Variants in RBM33 observed in about 807,000 individuals in gnomAD.
RBM33 encodes RNA binding motif protein 33, also known as RNA-binding protein 33.
Under a neutral mutation model 132.6 loss-of-function variants are expected in RBM33, and 28 were observed. The observed-to-expected ratio is 0.21, with a 90% confidence interval of 0.16 to 0.29. The LOEUF is 0.29. Ranked by LOEUF, RBM33 falls within the 10% of genes least tolerant of loss-of-function variation. The probability of loss-of-function intolerance (pLI) is 1.00; values close to 1 mark genes in which losing one functional copy is unlikely to be tolerated. For missense variants in RBM33, 1,291 were observed against 1,518.5 expected, an observed-to-expected ratio of 0.85 and a Z score of 2.49; for synonymous variants, 634 against 593.0, an observed-to-expected ratio of 1.07 and a Z score of -1.01.
intron 16 of RBM33, among the ~76,000 whole-genome samples, chr7:155,771,261 G>A (rs527949825): frequency 1.3e-5 from 2 of 152,320 alleles, no homozygotes; most frequent in Admixed American, 6.5e-5. Flanking sequence ...ATGTCTTTAA[G>A]CTTTCACTGG....
At chr7:155,756,121 T>C (rs928103311) in intron 14 of RBM33, among the ~76,000 whole-genome samples, 1 of 152,228 alleles carries the variant, frequency 6.6e-6, no homozygotes, top group Non-Finnish European at 1.5e-5. Context: ...AAAGCAAACA[T>C]ACTTTTTATG....
In RBM33 at chr7:155,745,796, T is replaced by C; in HGVS notation, c.2979+194T>C. On this transcript the variant is annotated intron_variant, in intron 14 of 17. Coordinates refer to ENST00000401878, the MANE Select transcript of RBM33 (RefSeq NM_053043.3). This position sits in a 1 kb window ranked among gnomAD's most constrained non-coding sequence, Gnocchi z 4.1. ...GCATACATTCTCAGAAATGTGTTGTTAGGCGATTTTGTCATTGTCTGAACG... is the reference window on the plus strand; with the variant it reads ...GCATACATTCTCAGAAATGTGTTGTCAGGCGATTTTGTCATTGTCTGAACG... The C allele has an allele frequency of 1.6e-6, 1 of 615,316 alleles. No individual in the cohort carries two copies. Among genetic ancestry groups the C allele is most frequent in the Non-Finnish European group, 2.8e-6 (1 of 356,390 alleles). The allele number at this position is 615,316 out of a possible 1,614,324, so 38.1% of individuals were successfully genotyped here. A position where few individuals can be genotyped will look rare whatever the true frequency, so the allele number is the denominator to read the frequency against.
At chr7:155,662,403 A>G (rs966642309) in intron 1 of RBM33, among the ~76,000 whole-genome samples, 10 of 152,028 alleles carry the variant, frequency 6.6e-5, no homozygotes, top group African/African-American at 1.7e-4. Context: ...CTCTCTTCCC[A>G]GTTAGCTCTC....
chr7:155,646,815 AC>A (rs1798210099), intron 1 of RBM33, among the ~76,000 whole-genome samples: 1 of 152,166 alleles, frequency 6.6e-6, no homozygotes, highest in African/African-American at 2.4e-5. Context: ...TAGCCTGTAA[AC>A]CTCATGAGGA....
At chr7:155,761,610 A>AG (rs753687305) in intron 14 of RBM33, among the ~76,000 whole-genome samples, 1 of 152,106 alleles carries the variant, frequency 6.6e-6, no homozygotes, top group Non-Finnish European at 1.5e-5. Flanking sequence ...TAAATTTCTT[A>AG]GGGTCCATTG....
intron 9 of RBM33, among the ~76,000 whole-genome samples, chr7:155,721,233 G>A (rs531885710): frequency 7.9e-5 from 12 of 152,104 alleles, no homozygotes; most frequent in South Asian, 2.1e-4. Flanking sequence ...CTAAACACCC[G>A]TGCCAGAGTC....
chr7:155,681,454 T>A (rs577626573), intron 5 of RBM33, among the ~76,000 whole-genome samples: 1 of 152,208 alleles, frequency 6.6e-6, no homozygotes, highest in East Asian at 1.9e-4. Context: ...GCTGATTTTT[T>A]ATTTCAGAAA....
chr7:155,765,808 G>A (rs180781741), intron 15 of RBM33, among the ~76,000 whole-genome samples: 5 of 152,306 alleles, frequency 3.3e-5, no homozygotes, highest in Non-Finnish European at 7.3e-5. Context: ...ATAATGCTTA[G>A]GCCCGCCTTA....
At chr7:155,676,031 T>G (rs1799175511) in intron 3 of RBM33, among the ~76,000 whole-genome samples, 1 of 152,194 alleles carries the variant, frequency 6.6e-6, no homozygotes, top group Non-Finnish European at 1.5e-5. Context: ...CTACAGGGTC[T>G]ATGAATGGAG....
chr7:155,737,470 A>G, intron 9 of RBM33, 60 bp from the exon 10 acceptor site: 1 of 1,507,538 alleles, frequency 6.6e-7, no homozygotes, highest in Non-Finnish European at 8.9e-7. Context: ...TATTTCTAAA[A>G]ATTACATACC....
At position 155,672,918 on chromosome 7, in the gene RBM33, A is replaced by G. The variant is rs1395214135; in HGVS notation, c.171+3A>G. On this transcript the variant is annotated splice_donor_region_variant and intron_variant, in intron 3 of 17. Transcript: ENST00000401878. Reference sequence around the variant, plus strand: ...AAGATTTGCTATCTGGCAAAAAGGTAAGAAGTTTATGTCCTTCTGAGATGA... The same window carrying G: ...AAGATTTGCTATCTGGCAAAAAGGTGAGAAGTTTATGTCCTTCTGAGATGA... The G allele has an allele frequency of 1.9e-6, 3 of 1,542,186 alleles. No individual in the cohort carries two copies. Among genetic ancestry groups the G allele is most frequent in the African/African-American group, 1.4e-5 (1 of 72,998 alleles).
intron 5 of RBM33, among the ~76,000 whole-genome samples, chr7:155,693,487 CT>C (rs1799705791): frequency 6.6e-6 from 1 of 152,008 alleles, no homozygotes; most frequent in South Asian, 2.1e-4. Flanking sequence ...TTACTTTTTA[CT>C]TTTAAACTGT....
Position 155,775,100 on chromosome 7 carries a change from A to G in RBM33, c.*59A>G, listed in dbSNP as rs2117089511. Reference sequence around the variant, plus strand: ...ACACACTGTGGAATTTCTTCAAGGGAGCTGCCGGCCGGCGCAGAACCCCCA... The same window carrying G: ...ACACACTGTGGAATTTCTTCAAGGGGGCTGCCGGCCGGCGCAGAACCCCCA... On this transcript the variant is annotated 3_prime_UTR_variant, in exon 18 of 18. Transcript: ENST00000401878. The G allele has an allele frequency of 2.0e-6, 3 of 1,493,324 alleles. No homozygotes were observed. In the East Asian group the frequency reaches 6.8e-5, roughly 34 times the overall value. 92.5% of individuals were successfully genotyped at this position (1,493,324 alleles called of 1,614,324 possible). A position where few individuals can be genotyped will look rare whatever the true frequency, so the allele number is the denominator to read the frequency against.
At chr7:155,761,368 G>C (rs1802031360) in intron 14 of RBM33, among the ~76,000 whole-genome samples, 1 of 152,366 alleles carries the variant, frequency 6.6e-6, no homozygotes, top group South Asian at 2.1e-4. Flanking sequence ...TTCTGAAAGA[G>C]ATTGCGTAAG....
chr7:155,777,630 G>C lies in RBM33; in HGVS notation c.*2589G>C, dbSNP rs1160096211. On this transcript the variant is annotated 3_prime_UTR_variant, in exon 18 of 18. Coordinates refer to ENST00000401878, the MANE Select transcript of RBM33 (RefSeq NM_053043.3). ...CTTGAGTTCATCATGCATTTAAAAT[G>C]AGATGCAAGAGCATTTAGCATACCA... The C allele has an allele frequency of 2.0e-5, 3 of 152,654 alleles. No homozygotes were observed. The highest frequency in any genetic ancestry group is 2.9e-5 in the Non-Finnish European group (2 of 68,044). 9.5% of individuals were successfully genotyped at this position (152,654 alleles called of 1,614,324 possible).
Position 155,738,156 on chromosome 7 carries a change from C to T in RBM33, c.1490C>T (p.Pro497Leu), listed in dbSNP as rs1456491140. ...CCTACCCTTCTTAACAGTAGCCATC[C>T]TGTTCCTACTCAGAGTCCTCTACCA... is the stretch of plus-strand genomic sequence containing the variant. Reference protein sequence around the residue: ...PPPTLLNSSHPVPTQSPLPFT... With the variant: ...PPPTLLNSSHLVPTQSPLPFT... Residue 497 changes from proline to leucine, a missense_variant, in exon 11 of 18, where the codon CCT becomes CTT. Pro to Leu is a moderately conservative substitution (Grantham distance 98, BLOSUM62 -3). This residue lies in a region of RBM33 where 841 missense variants were observed against 912.0 expected (regional missense o/e 0.92). Transcript: ENST00000401878. 1.2e-6 allele frequency: 2 copies of T among 1,613,870 alleles called. No individual in the cohort carries two copies. Among genetic ancestry groups the T allele is most frequent in the Non-Finnish European group, 1.7e-6 (2 of 1,179,894 alleles).
chr7:155,676,591 G>A (rs1287556585), intron 3 of RBM33, among the ~76,000 whole-genome samples: 2 of 152,146 alleles, frequency 1.3e-5, no homozygotes, highest in East Asian at 3.9e-4. Flanking sequence ...TGACCTGTTT[G>A]GAAAGATTGA....
At chr7:155,747,246 A>G (rs577600271) in intron 14 of RBM33, among the ~76,000 whole-genome samples, 63 of 152,174 alleles carry the variant, frequency 4.1e-4, no homozygotes, top group Non-Finnish European at 7.1e-4. Context: ...TTAGGTGAGA[A>G]CTCAAGCACT....
chr7:155,679,433 AGAC>A (rs1454745485), intron 4 of RBM33, among the ~76,000 whole-genome samples: 2 of 152,170 alleles, frequency 1.3e-5, no homozygotes, highest in African/African-American at 4.8e-5. Context: ...GTGCTACTTT[AGAC>A]TCTAGTTGAC....
Sources: gnomAD v4.1 joint callset for allele counts (sites outside exome capture counted in the v4.1 genomes callset) on GRCh38, gnomAD v4.1.1 for gene constraint, gnomAD v4.1.1 regional missense constraint, Gnocchi (gnomAD v3.1) non-coding constraint, MANE v1.5 for transcripts, NCBI Gene and HGNC (gene_info 2026-07-23, HGNC 2026-07-21) for gene names.